The following DNER variants were observed in gnomAD, a reference collection of about 807,000 sequenced individuals.
The protein encoded by DNER is delta and Notch-like epidermal growth factor-related receptor.
DNER carries 33 observed loss-of-function variants against 78.2 expected under a neutral mutation model. That is an observed-to-expected ratio of 0.42 (90% CI 0.32 to 0.56). The LOEUF (loss-of-function observed/expected upper bound fraction) is 0.56. DNER is among the 20% of genes least tolerant of loss of function. DNER has a pLI of 0.11. For synonymous variants in DNER, 417 were observed against 384.8 expected (o/e 1.08, Z -0.98); for missense variants, 918 against 975.3 (o/e 0.94, Z 0.78).
rs1695379896 is a variant in DNER at position 229,490,673 on chromosome 2, CA to C, written c.1148-13421del. Among the ~76,000 whole-genome samples, 3 of 152,146 alleles carry C rather than the reference CA, an allele frequency of 2.0e-5. No individual in the cohort carries two copies. In the South Asian group the frequency reaches 6.2e-4, roughly 32 times the overall value. ...CTAAAGCTGATTATGGTGATGACTG[CA>C]CAACTCTATGAATATACTAAAAAGC... On this transcript the variant is annotated intron_variant, in intron 6 of 12. Transcript: ENST00000341772.
chr2:229,392,875 A>G (rs528129584), intron 10 of DNER, among the ~76,000 whole-genome samples: 2 of 152,276 alleles, frequency 1.3e-5, no homozygotes, highest in South Asian at 4.1e-4. Context: ...ATCACTCAAC[A>G]ACTTAATCCA....
At chr2:229,680,486 G>A (rs1196149269) in intron 1 of DNER, among the ~76,000 whole-genome samples, 1 of 152,168 alleles carries the variant, frequency 6.6e-6, no homozygotes, top group Non-Finnish European at 1.5e-5. Context: ...AGATGCCTGT[G>A]GAGTCACTAA....
intron 6 of DNER, among the ~76,000 whole-genome samples, chr2:229,511,372 C>G (rs1160093191): frequency 6.6e-6 from 1 of 152,176 alleles, no homozygotes; most frequent in African/African-American, 2.4e-5. Context: ...AATGCCATTC[C>G]TGCTCCTGAA....
At chr2:229,384,034 A>G (rs1473496074) in intron 11 of DNER, among the ~76,000 whole-genome samples, 2 of 152,200 alleles carry the variant, frequency 1.3e-5, no homozygotes, top group African/African-American at 4.8e-5. Context: ...AGCACATACA[A>G]AAGAATGGAA....
chr2:229,510,620 G>A (rs954880909), intron 6 of DNER, among the ~76,000 whole-genome samples: 1 of 152,202 alleles, frequency 6.6e-6, no homozygotes, highest in African/African-American at 2.4e-5. Flanking sequence ...TTGTAGAGAT[G>A]TCTGGCTTCT....
At chr2:229,366,514 A>G (rs1692349687) in intron 12 of DNER, among the ~76,000 whole-genome samples, 1 of 152,234 alleles carries the variant, frequency 6.6e-6, no homozygotes, top group South Asian at 2.1e-4. Context: ...GAAATCATTT[A>G]TATGTTGACT....
rs1694067844 is a variant in DNER at position 229,433,862 on chromosome 2, T to A, written c.1486+13454A>T. Among the ~76,000 whole-genome samples the A allele has an allele frequency of 2.0e-5, 3 of 152,220 alleles. No homozygotes were observed. The South Asian group carries it at 6.2e-4, about 32-fold the overall frequency. On this transcript the variant is annotated intron_variant, in intron 8 of 12. Transcript: ENST00000341772. The stretch of plus-strand genomic sequence containing the variant: ...TGAATTAGCTTTTTGCATTCCTAAT[T>A]ATCTTGCCGAAAATTTGCTCTGAAG...
intron 8 of DNER, among the ~76,000 whole-genome samples, chr2:229,426,346 C>T (rs1260971423): frequency 6.9e-6 from 1 of 145,248 alleles, no homozygotes; most frequent in African/African-American, 2.6e-5. Flanking sequence ...GAGGCTGAGG[C>T]AGGAGAATGG....
chr2:229,644,084 C>T (rs34851081), intron 1 of DNER, among the ~76,000 whole-genome samples: 64,457 of 151,718 alleles, frequency 0.42, 16,853 homozygotes, highest in Non-Finnish European at 0.59. Context: ...GCCCAGGGAT[C>T]AGCCCTGCAC....
intron 1 of DNER, among the ~76,000 whole-genome samples, chr2:229,683,071 C>T (rs1308275211): frequency 6.6e-6 from 1 of 152,176 alleles, no homozygotes; most frequent in Non-Finnish European, 1.5e-5. Context: ...TAAAGTTTGA[C>T]TTTTGCCACA....
intron 4 of DNER, among the ~76,000 whole-genome samples, chr2:229,550,948 T>C (rs1696723416): frequency 6.6e-6 from 1 of 152,122 alleles, no homozygotes; most frequent in Non-Finnish European, 1.5e-5. Context: ...TTAGCAAAAC[T>C]TCCCAAATAT....
Position 229,591,797 on chromosome 2 carries a change from C to T in DNER, c.368G>A (p.Cys123Tyr). 6.2e-7 allele frequency: 1 copy of T among 1,613,890 alleles called. No homozygotes were observed. Among genetic ancestry groups the T allele is most frequent in the Non-Finnish European group, 8.5e-7 (1 of 1,179,922 alleles). Residue 123 changes from cysteine to tyrosine, a missense_variant, in exon 2 of 13, where the codon TGC becomes TAC. By Grantham distance (194) the Cys-to-Tyr change is radical. Transcript: ENST00000341772. The surrounding 1 kb of genome is among the most constrained non-coding windows in gnomAD (Gnocchi z 4.6). ...SSSSDGYLCICNEGYEGPNCE... is the reference protein window; with the variant it reads ...SSSSDGYLCIYNEGYEGPNCE... The stretch of plus-strand genomic sequence containing the variant: ...GTTGGGACCTTCATAGCCTTCATTG[C>T]AAATGCAGAGGTAGCCATCGCTGCT...
chr2:229,677,336 T>C (rs1452534557), intron 1 of DNER, among the ~76,000 whole-genome samples: 1 of 152,166 alleles, frequency 6.6e-6, no homozygotes, highest in Non-Finnish European at 1.5e-5. Context: ...CTTCCCACCA[T>C]ATCATGAGCT....
chr2:229,414,215 G>A (rs1287121820), intron 9 of DNER, among the ~76,000 whole-genome samples: 2 of 152,074 alleles, frequency 1.3e-5, no homozygotes, highest in African/African-American at 2.4e-5. Flanking sequence ...TTACCTCCCT[G>A]TTTTCAGCAG....
At chr2:229,613,446 C>T (rs896520090) in intron 1 of DNER, among the ~76,000 whole-genome samples, 17 of 152,130 alleles carry the variant, frequency 1.1e-4, no homozygotes, top group African/African-American at 3.9e-4. Flanking sequence ...TTTCATATAA[C>T]TGAGCAGTGC....
intron 1 of DNER, among the ~76,000 whole-genome samples, chr2:229,645,134 C>G (rs958244915): frequency 6.6e-6 from 1 of 152,138 alleles, no homozygotes; most frequent in African/African-American, 2.4e-5. Context: ...GTAGCTAGGA[C>G]TATAGGCACA....
At chr2:229,367,373 G>A (rs1692375235) in intron 11 of DNER, among the ~76,000 whole-genome samples, 1 of 152,268 alleles carries the variant, frequency 6.6e-6, no homozygotes, top group South Asian at 2.1e-4. Flanking sequence ...GGCTGAGGCA[G>A]GTGGATCACT....
chr2:229,642,229 TA>T (rs1698638209), intron 1 of DNER, among the ~76,000 whole-genome samples: 1 of 152,218 alleles, frequency 6.6e-6, no homozygotes, highest in African/African-American at 2.4e-5. Flanking sequence ...CTGTAGCTTT[TA>T]GAGAAATCAC....
intron 7 of DNER, among the ~76,000 whole-genome samples, chr2:229,475,343 C>T (rs1198263583): frequency 2.0e-5 from 3 of 152,220 alleles, no homozygotes; most frequent in South Asian, 2.1e-4. Flanking sequence ...GCCCTGCCTG[C>T]TTCCACCTGC....
Sources: allele counts gnomAD v4.1 joint callset (sites outside exome capture counted in the v4.1 genomes callset), GRCh38; gene constraint gnomAD v4.1.1; non-coding constraint Gnocchi (gnomAD v3.1); transcripts MANE v1.5; gene names NCBI Gene and HGNC (gene_info 2026-07-23, HGNC 2026-07-21).